The following PDE3A variants were observed in gnomAD, a reference collection of about 807,000 sequenced individuals.
PDE3A encodes phosphodiesterase 3A, also known as cGMP-inhibited 3',5'-cyclic phosphodiesterase 3A.
In PDE3A, 43 loss-of-function variants were observed where a neutral mutation model predicts 98.3. That is an observed-to-expected ratio of 0.44 (90% CI 0.34 to 0.56). The LOEUF (loss-of-function observed/expected upper bound fraction) is 0.56. PDE3A is among the 20% of genes least tolerant of loss of function. The pLI, the probability that PDE3A is intolerant of heterozygous loss-of-function variation, is 0.01. For missense variants in PDE3A, 1,427 were observed against 1,440.7 expected, an observed-to-expected ratio of 0.99 and a Z score of 0.15; for synonymous variants, 663 against 567.9, an observed-to-expected ratio of 1.17 and a Z score of -2.38.
intron 5 of PDE3A, among the ~76,000 whole-genome samples, chr12:20,629,176 G>A (rs1944326058): frequency 6.6e-6 from 1 of 152,088 alleles, no homozygotes; most frequent in African/African-American, 2.4e-5. Context: ...TCTTCCAACA[G>A]CCACGTTTTG....
At chr12:20,462,834 A>G (rs1214672599) in intron 1 of PDE3A, among the ~76,000 whole-genome samples, 6 of 151,942 alleles carry the variant, frequency 3.9e-5, no homozygotes, top group African/African-American at 1.5e-4. Flanking sequence ...TCTGTCATCT[A>G]GGCTGGGGTG....
intron 1 of PDE3A, chr12:20,450,045 A>T (rs1945037126): frequency 3.2e-6 from 2 of 627,016 alleles, no homozygotes; most frequent in African/African-American, 3.7e-5. Context: ...TCATTCCACA[A>T]TTGCATATTT....
At chr12:20,616,022 C>T (rs1943996470) in intron 3 of PDE3A, among the ~76,000 whole-genome samples, 1 of 151,736 alleles carries the variant, frequency 6.6e-6, no homozygotes, top group South Asian at 2.1e-4. Context: ...CTACGCCTGA[C>T]TGCTTATTTT....
intron 1 of PDE3A, among the ~76,000 whole-genome samples, chr12:20,546,687 C>G (rs543100911): frequency 1.3e-5 from 2 of 152,070 alleles, no homozygotes; most frequent in East Asian, 3.9e-4. Context: ...AAAGGCAACC[C>G]CTGCTCTCAT....
At chr12:20,491,217 A>C (rs1945820198) in intron 1 of PDE3A, among the ~76,000 whole-genome samples, 1 of 152,234 alleles carries the variant, frequency 6.6e-6, no homozygotes, top group South Asian at 2.1e-4. Context: ...CCCAAACCGA[A>C]AGTGAACATC....
At chr12:20,630,838 G>A (rs1944362477) in intron 6 of PDE3A, among the ~76,000 whole-genome samples, 1 of 152,094 alleles carries the variant, frequency 6.6e-6, no homozygotes, top group South Asian at 2.1e-4. Context: ...TATTTTTTAA[G>A]TAGAAAAACA....
intron 1 of PDE3A, among the ~76,000 whole-genome samples, chr12:20,487,242 A>G (rs1422727595): frequency 6.6e-6 from 1 of 152,180 alleles, no homozygotes. Context: ...GAATGAATGT[A>G]TGCCCAAAAT....
chr12:20,441,903 A>G (rs1182092127), intron 1 of PDE3A, among the ~76,000 whole-genome samples: 1 of 152,066 alleles, frequency 6.6e-6, no homozygotes, highest in East Asian at 1.9e-4. Context: ...GTTTCTTCCC[A>G]TGGTGTGCAA....
chr12:20,571,072 T>C (rs1942792644), intron 2 of PDE3A, among the ~76,000 whole-genome samples: 1 of 152,210 alleles, frequency 6.6e-6, no homozygotes, highest in South Asian at 2.1e-4. Flanking sequence ...GTATGGATGA[T>C]GATTGGATTT....
chr12:20,643,134 G>A (rs949876926), intron 10 of PDE3A, among the ~76,000 whole-genome samples: 1 of 152,120 alleles, frequency 6.6e-6, no homozygotes, highest in Non-Finnish European at 1.5e-5. Context: ...TTATTAAAGA[G>A]GGCGAGGGGG....
At position 20,683,169 on chromosome 12, in the gene PDE3A, T is replaced by C. The variant is rs1565479571; in HGVS notation, c.*2898T>C. 1 of 152,200 alleles carries C rather than the reference T, an allele frequency of 6.6e-6. No homozygotes were observed. The highest frequency in any genetic ancestry group is 6.5e-5 in the Admixed American group (1 of 15,274). The allele number at this position is 152,200 out of a possible 1,614,324, so 9.4% of individuals were successfully genotyped here. A position where few individuals can be genotyped will look rare whatever the true frequency, so the allele number is the denominator to read the frequency against. ...TAAAGGGATGAAGATCCACTAAGTT[T>C]GTGACTTTCATACACACCCAGTACA... On this transcript the variant is annotated 3_prime_UTR_variant, in exon 16 of 16. Coordinates refer to ENST00000359062, the MANE Select transcript of PDE3A (RefSeq NM_000921.5).
chr12:20,544,623 T>C (rs928163114), intron 1 of PDE3A, among the ~76,000 whole-genome samples: 1 of 151,928 alleles, frequency 6.6e-6, no homozygotes, highest in African/African-American at 2.4e-5. Flanking sequence ...TATTTATTGT[T>C]GTAAGTAGCA....
chr12:20,465,377 T>C (rs759080460), intron 1 of PDE3A, among the ~76,000 whole-genome samples: 1 of 152,124 alleles, frequency 6.6e-6, no homozygotes, highest in Non-Finnish European at 1.5e-5. Context: ...GTTAATTCTC[T>C]AGGTAATTTT....
intron 1 of PDE3A, among the ~76,000 whole-genome samples, chr12:20,377,726 TTTTAA>T (rs1242619464): frequency 6.6e-6 from 1 of 151,832 alleles, no homozygotes; most frequent in East Asian, 1.9e-4. Context: ...ATTGCATTTA[TTTTAA>T]AATATGATTA....
In PDE3A at chr12:20,477,578, G is replaced by A. The variant is rs182021932; in HGVS notation, c.961-79082G>A. On this transcript the variant is annotated intron_variant, in intron 1 of 15. Coordinates refer to ENST00000359062, the MANE Select transcript of PDE3A (RefSeq NM_000921.5). The stretch of plus-strand genomic sequence containing the variant: ...TAATTCGATATCTGGCTTGATAAAC[G>A]GATTTTTAAAAATAACCTTGATTTC... Among the ~76,000 whole-genome samples, 3 of 152,126 alleles carry A rather than the reference G, an allele frequency of 2.0e-5. No individual in the cohort carries two copies. The East Asian group carries it at 5.8e-4, about 29-fold the overall frequency.
chr12:20,515,339 G>A (rs1188114609), intron 1 of PDE3A, among the ~76,000 whole-genome samples: 2 of 152,214 alleles, frequency 1.3e-5, no homozygotes, highest in African/African-American at 2.4e-5. Context: ...TGTTAAATGT[G>A]TTTCTGAATG....
At position 20,552,402 on chromosome 12, in the gene PDE3A, G is replaced by A. The variant is rs113830236; in HGVS notation, c.961-4258G>A. The A allele has an allele frequency of 5.7e-4, 923 of 1,613,232 alleles. 6 individuals are homozygous for A. The African/African-American group carries it at 0.011, about 20-fold the overall frequency. ...ACGATGATGAGCCCGGCCCTTGGAC[G>A]AAGGAGGGGAAGGACCGGATCAAGA... On this transcript the variant is annotated intron_variant, in intron 1 of 15. Coordinates refer to ENST00000359062, the MANE Select transcript of PDE3A (RefSeq NM_000921.5). This position sits in a 1 kb window ranked among gnomAD's most constrained non-coding sequence, Gnocchi z 5.1.
At chr12:20,432,910 T>G (rs1944721047) in intron 1 of PDE3A, among the ~76,000 whole-genome samples, 1 of 152,090 alleles carries the variant, frequency 6.6e-6, no homozygotes, top group Non-Finnish European at 1.5e-5. Context: ...ATGATATACA[T>G]TTTAATAACC....
At chr12:20,459,513 A>G (rs536399652) in intron 1 of PDE3A, among the ~76,000 whole-genome samples, 16 of 152,318 alleles carry the variant, frequency 1.1e-4, no homozygotes, top group African/African-American at 3.4e-4. Context: ...TTTAATTTAC[A>G]TACACCTTTT....
Sources: gnomAD v4.1 joint callset for allele counts (sites outside exome capture counted in the v4.1 genomes callset) on GRCh38, gnomAD v4.1.1 for gene constraint, Gnocchi (gnomAD v3.1) non-coding constraint, MANE v1.5 for transcripts, NCBI Gene and HGNC (gene_info 2026-07-23, HGNC 2026-07-21) for gene names.